ADAMTSL1: variants seen among roughly 807,000 people sequenced by gnomAD.
ADAMTSL1 encodes the protein ADAMTS like 1.
A neutral mutation model predicts 201.8 loss-of-function variants in ADAMTSL1; 126 were observed. That is an observed-to-expected ratio of 0.62 (90% CI 0.54 to 0.72). The LOEUF (loss-of-function observed/expected upper bound fraction) is 0.72, where lower values mean the gene tolerates loss of function less well. Among genes scored for constraint, ADAMTSL1 ranks in the 30% least tolerant of loss-of-function variants. The pLI is 0.00. For synonymous variants in ADAMTSL1, 1,121 were observed against 903.4 expected, an observed-to-expected ratio of 1.24 and a Z score of -4.32; for missense variants, 2,679 against 2,277.8, an observed-to-expected ratio of 1.18 and a Z score of -3.59.
chr9:18,187,588 A>G (rs908499189), intron 2 of ADAMTSL1, among the ~76,000 whole-genome samples: 10 of 152,180 alleles, frequency 6.6e-5, no homozygotes, highest in African/African-American at 2.4e-4. Flanking sequence ...GAAACATAAA[A>G]AAGGAAGCCA....
At chr9:18,011,622 C>T (rs528003074) in intron 1 of ADAMTSL1, among the ~76,000 whole-genome samples, 12 of 152,086 alleles carry the variant, frequency 7.9e-5, no homozygotes, top group African/African-American at 2.4e-4. Flanking sequence ...AGGACCCAGC[C>T]GTAGCTGTCA....
At chr9:18,889,958 C>G (rs1221922784) in intron 25 of ADAMTSL1, among the ~76,000 whole-genome samples, 1 of 152,050 alleles carries the variant, frequency 6.6e-6, no homozygotes, top group Non-Finnish European at 1.5e-5. Context: ...TTGTTTATTC[C>G]TCACCCCACT....
intron 5 of ADAMTSL1, among the ~76,000 whole-genome samples, chr9:18,633,142 G>A (rs995642462): frequency 6.6e-6 from 1 of 152,124 alleles, no homozygotes; most frequent in Admixed American, 6.5e-5. Context: ...AGCATGGCAG[G>A]GCCAAACAGA....
chr9:18,359,673 T>G (rs1836415607), intron 2 of ADAMTSL1, among the ~76,000 whole-genome samples: 1 of 152,196 alleles, frequency 6.6e-6, no homozygotes, highest in African/African-American at 2.4e-5. Context: ...TCTTTTTCCA[T>G]CTTTTGTAAG....
intron 15 of ADAMTSL1, among the ~76,000 whole-genome samples, chr9:18,750,769 T>C (rs571545600): frequency 1.9e-4 from 29 of 152,278 alleles, no homozygotes; most frequent in African/African-American, 6.5e-4. Context: ...AGTTCTGGCT[T>C]GAGGTCTTTC....
intron 2 of ADAMTSL1, among the ~76,000 whole-genome samples, chr9:18,373,878 C>A (rs1837165652): frequency 6.6e-6 from 1 of 152,176 alleles, no homozygotes; most frequent in Admixed American, 6.5e-5. Flanking sequence ...ACATATCTCC[C>A]CACCTGTATC....
intron 2 of ADAMTSL1, among the ~76,000 whole-genome samples, chr9:18,364,444 C>T (rs1836676214): frequency 6.6e-6 from 1 of 152,142 alleles, no homozygotes; most frequent in African/African-American, 2.4e-5. Flanking sequence ...CCAATTCTCT[C>T]TCAGACAATA....
At chr9:18,059,991 T>TA (rs1822378719) in intron 1 of ADAMTSL1, among the ~76,000 whole-genome samples, 1 of 152,212 alleles carries the variant, frequency 6.6e-6, no homozygotes, top group Non-Finnish European at 1.5e-5. Flanking sequence ...GTGTAAAATT[T>TA]AAGAGGTACA....
At chr9:18,082,280 A>C (rs1420350141) in intron 1 of ADAMTSL1, among the ~76,000 whole-genome samples, 1 of 152,228 alleles carries the variant, frequency 6.6e-6, no homozygotes, top group Non-Finnish European at 1.5e-5. Context: ...TGTAAACTAC[A>C]GTGGACATTT....
chr9:18,406,506 T>G (rs1329884508), intron 2 of ADAMTSL1, among the ~76,000 whole-genome samples: 2 of 151,902 alleles, frequency 1.3e-5, no homozygotes, highest in African/African-American at 2.4e-5. Flanking sequence ...TTTTTTTGTA[T>G]TTTTCGTAGA....
chr9:18,525,459 C>A (rs1221890547), intron 2 of ADAMTSL1, among the ~76,000 whole-genome samples: 3 of 152,068 alleles, frequency 2.0e-5, no homozygotes, highest in Non-Finnish European at 2.9e-5. Context: ...CTGCTCTGAT[C>A]TTAGTAGTTT....
At chr9:17,955,996 A>G (rs1020851038) in intron 1 of ADAMTSL1, among the ~76,000 whole-genome samples, 7 of 152,182 alleles carry the variant, frequency 4.6e-5, no homozygotes, top group Non-Finnish European at 7.3e-5. Context: ...AAAGCTTTCA[A>G]AGCAAAAAAT....
At chr9:18,111,732 T>G (rs973931813) in intron 1 of ADAMTSL1, among the ~76,000 whole-genome samples, 4 of 152,136 alleles carry the variant, frequency 2.6e-5, no homozygotes, top group Non-Finnish European at 5.9e-5. Flanking sequence ...GATACTTTCT[T>G]TTATGAAGTA....
intron 19 of ADAMTSL1, among the ~76,000 whole-genome samples, chr9:18,789,052 A>T (rs867231896): frequency 1.3e-5 from 2 of 152,128 alleles, no homozygotes; most frequent in Admixed American, 1.3e-4. Flanking sequence ...GGTCCCATGC[A>T]CAGCAAACCC....
intron 3 of ADAMTSL1, among the ~76,000 whole-genome samples, chr9:18,566,656 G>A (rs1240800099): frequency 6.6e-6 from 1 of 152,150 alleles, no homozygotes; most frequent in Non-Finnish European, 1.5e-5. Context: ...CCTAAAGTAA[G>A]AGTGTTCCTG....
At chr9:18,325,828 C>T (rs1306712992) in intron 2 of ADAMTSL1, among the ~76,000 whole-genome samples, 1 of 151,960 alleles carries the variant, frequency 6.6e-6, no homozygotes, top group East Asian at 1.9e-4. Context: ...GCAACCTCCG[C>T]CCCCAGGATT....
At chr9:18,059,239 A>T (rs1822340873) in intron 1 of ADAMTSL1, among the ~76,000 whole-genome samples, 1 of 152,066 alleles carries the variant, frequency 6.6e-6, no homozygotes. Context: ...CGGACTGTTA[A>T]CTCCTTGCAA....
At chr9:18,477,795 C>T (rs1358636330) in intron 1 of ADAMTSL1, among the ~76,000 whole-genome samples, 2 of 152,254 alleles carry the variant, frequency 1.3e-5, no homozygotes, top group South Asian at 2.1e-4. Flanking sequence ...ACTCAGGCTC[C>T]TGTTTTTAGT....
intron 2 of ADAMTSL1, among the ~76,000 whole-genome samples, chr9:18,282,178 T>A (rs1314997495): frequency 6.6e-6 from 1 of 152,222 alleles, no homozygotes; most frequent in African/African-American, 2.4e-5. Context: ...GGTTCTCTGT[T>A]TCTGTGTTAG....
Sources: allele counts gnomAD v4.1 joint callset (sites outside exome capture counted in the v4.1 genomes callset), GRCh38; gene constraint gnomAD v4.1.1; transcripts MANE v1.5; gene names NCBI Gene and HGNC (gene_info 2026-07-23, HGNC 2026-07-21).